The following PDLIM5 variants were observed in gnomAD, a reference collection of about 807,000 sequenced individuals.
PDLIM5 encodes the protein PDZ and LIM domain protein 5.
Under a neutral mutation model 64.2 loss-of-function variants are expected in PDLIM5, and 34 were observed. The ratio of observed to expected loss-of-function variants is 0.53; its 90% CI spans 0.40 to 0.71. The LOEUF is 0.71. Among genes scored for constraint, PDLIM5 ranks in the 30% least tolerant of loss-of-function variants. The pLI is 0.00. For missense variants in PDLIM5, 683 were observed against 733.6 expected (o/e 0.93, Z 0.80); for synonymous variants, 253 against 269.1 (o/e 0.94, Z 0.59).
chr4:94,530,510 AATATATATATATATATATAT>A (rs36209951), intron 3 of PDLIM5, among the ~76,000 whole-genome samples: 43 of 140,564 alleles, frequency 3.1e-4, no homozygotes, highest in South Asian at 2.5e-3. Context: ...GGAATCACAG[AATATATATATATATATATAT>A]ATATATATAT....
At chr4:94,606,829 G>T (rs1737966778) in intron 7 of PDLIM5, among the ~76,000 whole-genome samples, 1 of 152,184 alleles carries the variant, frequency 6.6e-6, no homozygotes, top group Admixed American at 6.5e-5. Flanking sequence ...GACATATGAA[G>T]AATGAACCTG....
chr4:94,565,969 T>A (rs188402593), intron 3 of PDLIM5, among the ~76,000 whole-genome samples: 1 of 152,320 alleles, frequency 6.6e-6, no homozygotes, highest in African/African-American at 2.4e-5. Flanking sequence ...TTTACTTGAA[T>A]TAAACCAAAA....
chr4:94,569,320 T>TGTTTGTTC (rs1734604622), intron 3 of PDLIM5, among the ~76,000 whole-genome samples: 2 of 144,070 alleles, frequency 1.4e-5, no homozygotes, highest in African/African-American at 5.7e-5. Flanking sequence ...CCCCTTCGTT[T>TGTTTGTTC]GTTTGTTTGT....
Position 94,575,760 on chromosome 4 carries a change from C to G in PDLIM5, c.436C>G (p.Pro146Ala). 6.2e-7 allele frequency: 1 copy of G among 1,614,144 alleles called. No homozygotes were observed. The highest frequency in any genetic ancestry group is 8.5e-7 in the Non-Finnish European group (1 of 1,180,004). The change falls in exon 5 of 13, where the codon CCA becomes GCA. Residue 146 changes from proline (P) to alanine (A), a missense_variant. Physicochemically the swap from Pro to Ala is conservative, Grantham distance 27. Transcript: ENST00000317968. ...ACCAAAAGTCACATCCATCCCATCA[C>G]CATCGTCTGCCTTCACCCCAGCCCA... ...SSPKVTSIPS[P>A]SSAFTPAHAT...
At chr4:94,606,772 G>C (rs1737961204) in intron 7 of PDLIM5, among the ~76,000 whole-genome samples, 1 of 152,158 alleles carries the variant, frequency 6.6e-6, no homozygotes, top group Non-Finnish European at 1.5e-5. Flanking sequence ...CAGGCCATAT[G>C]GTCTGTCACA....
chr4:94,537,545 T>C (rs997400313), intron 3 of PDLIM5, among the ~76,000 whole-genome samples: 1 of 152,142 alleles, frequency 6.6e-6, no homozygotes, highest in African/African-American at 2.4e-5. Flanking sequence ...TCTTCTGAGA[T>C]ATGAGAGAAA....
intron 2 of PDLIM5, among the ~76,000 whole-genome samples, chr4:94,476,659 T>C (rs756456149): frequency 6.6e-6 from 1 of 152,160 alleles, no homozygotes; most frequent in Non-Finnish European, 1.5e-5. Flanking sequence ...TGTTCTGCAG[T>C]ATTGGTTTCA....
At chr4:94,615,158 G>A (rs1738677255) in intron 7 of PDLIM5, among the ~76,000 whole-genome samples, 1 of 152,066 alleles carries the variant, frequency 6.6e-6, no homozygotes, top group Non-Finnish European at 1.5e-5. Context: ...CATTTTACAG[G>A]TGAGGAAATT....
At chr4:94,659,703 T>A (rs966188713) in intron 11 of PDLIM5, among the ~76,000 whole-genome samples, 1 of 151,850 alleles carries the variant, frequency 6.6e-6, no homozygotes, top group Non-Finnish European at 1.5e-5. Context: ...AATTTTTTTG[T>A]ATTTTTAGTA....
At chr4:94,601,739 T>C (rs866145375) in intron 7 of PDLIM5, among the ~76,000 whole-genome samples, 2 of 152,174 alleles carry the variant, frequency 1.3e-5, no homozygotes, top group East Asian at 3.9e-4. Flanking sequence ...AAGGTAGAAT[T>C]AGCAGGCTCA....
intron 5 of PDLIM5, chr4:94,582,682 C>T (rs1488542368): frequency 3.3e-6 from 5 of 1,501,458 alleles, no homozygotes; most frequent in African/African-American, 1.4e-5. Flanking sequence ...TCTACTCTAT[C>T]GCATCTTTTT....
At chr4:94,557,452 G>A (rs113587193) in intron 3 of PDLIM5, among the ~76,000 whole-genome samples, 41,928 of 152,062 alleles carry the variant, frequency 0.28, 8,157 homozygotes, top group African/African-American at 0.56. Flanking sequence ...GAAAGTCAGT[G>A]GTAGTTGGAT....
intron 5 of PDLIM5, among the ~76,000 whole-genome samples, chr4:94,576,868 ATTTG>A (rs917050364): frequency 2.0e-5 from 3 of 152,084 alleles, no homozygotes; most frequent in Non-Finnish European, 4.4e-5. Flanking sequence ...ACCTTCAATT[ATTTG>A]TTTATTTTTT....
intron 2 of PDLIM5, among the ~76,000 whole-genome samples, chr4:94,502,556 A>G (rs892805681): frequency 1.3e-5 from 2 of 152,134 alleles, no homozygotes; most frequent in Non-Finnish European, 2.9e-5. Flanking sequence ...GGATAAAAGT[A>G]TCTACTCCAT....
Position 94,664,725 on chromosome 4 carries a change from C to A in PDLIM5, c.*658C>A. ...TCTCTACTAAAAATACAAAAATTAGCCGGACGCAGTGGCACGCGCCTGTAA... is the reference window on the plus strand; with the variant it reads ...TCTCTACTAAAAATACAAAAATTAGACGGACGCAGTGGCACGCGCCTGTAA... On this transcript the variant is annotated 3_prime_UTR_variant, in exon 13 of 13. Transcript: ENST00000317968. The A allele has an allele frequency of 5.6e-6, 1 of 177,930 alleles. No individual in the cohort carries two copies. The highest frequency in any genetic ancestry group is 1.1e-5 in the Non-Finnish European group (1 of 91,670). The allele number at this position is 177,930 out of a possible 1,614,324, so 11.0% of individuals were successfully genotyped here.
At position 94,564,656 on chromosome 4, in the gene PDLIM5, C is replaced by CTTTTTTTTTTTTTT. The variant is rs768721210; in HGVS notation, c.249-8689_249-8676dup. Among the ~76,000 whole-genome samples, 38 of 104,504 alleles carry CTTTTTTTTTTTTTT rather than the reference C, an allele frequency of 3.6e-4. 5 individuals are homozygous for CTTTTTTTTTTTTTT. Among genetic ancestry groups the CTTTTTTTTTTTTTT allele is most frequent in the South Asian group, 8.4e-4 (3 of 3,590 alleles). The allele number at this position is 104,504 out of a possible 152,430, so 68.6% of individuals were successfully genotyped here. A position where few individuals can be genotyped will look rare whatever the true frequency, so the allele number is the denominator to read the frequency against. On this transcript the variant is annotated intron_variant, in intron 3 of 12. Coordinates refer to ENST00000317968, the MANE Select transcript of PDLIM5 (RefSeq NM_006457.5). Reference sequence around the variant, plus strand: ...CACCTTCAAAGGAGGAATTTTGTCTCTTTTTTTTTTTTTTTTTTTGACAGA... The same window carrying CTTTTTTTTTTTTTT: ...CACCTTCAAAGGAGGAATTTTGTCTCTTTTTTTTTTTTTTTTTTTTTTTTTTTTTTTTTGACAGA...
intron 3 of PDLIM5, among the ~76,000 whole-genome samples, chr4:94,568,570 A>AT (rs1364823892): frequency 6.6e-6 from 1 of 151,858 alleles, no homozygotes; most frequent in Non-Finnish European, 1.5e-5. Context: ...AGAAAAATGG[A>AT]TTTTTTTTCT....
intron 4 of PDLIM5, among the ~76,000 whole-genome samples, 175 bp from the exon 5 acceptor site, chr4:94,575,441 T>G (rs1471992683): frequency 6.6e-6 from 1 of 152,220 alleles, no homozygotes. Context: ...TTGGGACTAG[T>G]TAGCATGCAC....
chr4:94,474,891 GT>G, intron 2 of PDLIM5, among the ~76,000 whole-genome samples: 1 of 152,240 alleles, frequency 6.6e-6, no homozygotes, highest in African/African-American at 2.4e-5. Context: ...CACTCAGGCT[GT>G]TCTCCTGCCT....
Sources: gnomAD v4.1 joint callset for allele counts (sites outside exome capture counted in the v4.1 genomes callset) on GRCh38, gnomAD v4.1.1 for gene constraint, MANE v1.5 for transcripts, NCBI Gene and HGNC (gene_info 2026-07-23, HGNC 2026-07-21) for gene names.